Variants in TLK1 observed in about 807,000 individuals in gnomAD.
TLK1 encodes the protein serine/threonine-protein kinase tousled-like 1.
In TLK1, 24 loss-of-function variants were observed where a neutral mutation model predicts 105.3. That is an observed-to-expected ratio of 0.23 (90% CI 0.17 to 0.32). TLK1 has a LOEUF of 0.32. Ranked by LOEUF, TLK1 falls within the 10% of genes least tolerant of loss-of-function variation. TLK1 has a pLI of 1.00. For synonymous variants in TLK1, 321 were observed against 310.4 expected (o/e 1.03, Z -0.36); for missense variants, 558 against 910.5 (o/e 0.61, Z 4.98).
At chr2:171,227,482 T>C (rs985819824) in intron 1 of TLK1, among the ~76,000 whole-genome samples, 4 of 151,960 alleles carry the variant, frequency 2.6e-5, no homozygotes, top group African/African-American at 9.7e-5. Context: ...TTTTGACTTA[T>C]GTGTACCTGA....
intron 12 of TLK1, among the ~76,000 whole-genome samples, chr2:171,021,837 C>T (rs1015804254): frequency 8.5e-5 from 13 of 152,094 alleles, no homozygotes; most frequent in Admixed American, 1.3e-4. Context: ...CGGTGGCTCA[C>T]GCCTGTAATC....
rs112261472 is a variant in TLK1 at position 171,000,127 on chromosome 2, C to T, written c.1905-2304G>A. 4.5e-3 allele frequency among the ~76,000 whole-genome samples: 688 copies of T among 152,146 alleles called. 8 individuals carry two copies. Among genetic ancestry groups the T allele is most frequent in the African/African-American group, 0.015 (628 of 41,494 alleles). On this transcript the variant is annotated intron_variant, in intron 18 of 20. Coordinates refer to ENST00000431350, the MANE Select transcript of TLK1 (RefSeq NM_012290.5). ...GCGTGGTGGCTCATGCCTGTAATCC[C>T]AGCACTTTGGGAGGCCGAGACGGGT...
intron 20 of TLK1, 124 bp from the exon 21 acceptor site, chr2:170,994,080 CA>C (rs1429611806): frequency 1.4e-5 from 15 of 1,105,008 alleles, no homozygotes; most frequent in Non-Finnish European, 1.8e-5. Flanking sequence ...ATTGGAAGTT[CA>C]AACCTTAAAA....
At chr2:171,208,166 C>A (rs1218431769) in intron 1 of TLK1, among the ~76,000 whole-genome samples, 2 of 151,548 alleles carry the variant, frequency 1.3e-5, no homozygotes. Flanking sequence ...TAATGTAATC[C>A]TGGGAAAGTA....
Position 171,191,796 on chromosome 2 carries a change from G to A in TLK1, c.-6+39349C>T, listed in dbSNP as rs576571239. 5.3e-5 allele frequency among the ~76,000 whole-genome samples: 8 copies of A among 152,180 alleles called. 1 individual carries two copies. Among genetic ancestry groups the A allele is most frequent in the African/African-American group, 1.9e-4 (8 of 41,518 alleles). On this transcript the variant is annotated intron_variant, in intron 1 of 20. Coordinates refer to the TLK1 transcript ENST00000521943. ...GCATAAGAAAGGGTTTACCCAGCAA[G>A]GCCAATATACTTTCCTAAATGTGTC...
intron 3 of TLK1, 121 bp downstream of exon 3, chr2:171,082,660 A>G (rs752200714): frequency 3.8e-6 from 3 of 792,144 alleles, no homozygotes; most frequent in Non-Finnish European, 6.4e-6. Context: ...AAACATTCCT[A>G]TAAGAAACTT....
intron 3 of TLK1, among the ~76,000 whole-genome samples, chr2:171,065,044 G>A (rs533636496): frequency 2.4e-4 from 37 of 151,966 alleles, no homozygotes; most frequent in Admixed American, 2.4e-3. Context: ...AAATATAAAG[G>A]AGTCTTTCTT....
intron 1 of TLK1, among the ~76,000 whole-genome samples, chr2:171,213,230 G>T (rs1285258836): frequency 1.3e-5 from 2 of 150,814 alleles, no homozygotes; most frequent in Non-Finnish European, 3.0e-5. Context: ...TTTGAGACAG[G>T]GTCTTTTGCC....
At position 171,143,936 on chromosome 2, in the gene TLK1, G is replaced by A. The variant is rs564243793; in HGVS notation, c.139+16354C>T. On this transcript the variant is annotated intron_variant, in intron 1 of 20. Transcript: ENST00000431350. ...TTAAAAGAATAAGATCCAATTAAACGCTGTCTACTTAAGACATATTTTAGA... is the reference window on the plus strand; with the variant it reads ...TTAAAAGAATAAGATCCAATTAAACACTGTCTACTTAAGACATATTTTAGA... Among the ~76,000 whole-genome samples the A allele has an allele frequency of 7.2e-5, 11 of 152,254 alleles. No homozygotes were observed. The East Asian group carries it at 1.2e-3, about 16-fold the overall frequency.
chr2:171,164,643 T>C (rs1692574257), upstream of TLK1, among the ~76,000 whole-genome samples: 1 of 152,230 alleles, frequency 6.6e-6, no homozygotes, highest in South Asian at 2.1e-4. Flanking sequence ...AAAAGTTCAA[T>C]AAATACGTTT....
chr2:171,149,099 C>CT (rs11335300), intron 1 of TLK1, among the ~76,000 whole-genome samples: 3,663 of 57,882 alleles, frequency 0.063, 101 homozygotes, highest in Non-Finnish European at 0.083. Flanking sequence ...AATTACTTTT[C>CT]TTTTTTTTTT....
chr2:171,129,437 C>G (rs1162242497), intron 1 of TLK1, among the ~76,000 whole-genome samples: 3 of 152,156 alleles, frequency 2.0e-5, no homozygotes, highest in African/African-American at 7.2e-5. Context: ...AGTCCCTTTA[C>G]AGCAGGTAAG....
chr2:171,065,383 C>T (rs1011294068), intron 3 of TLK1, among the ~76,000 whole-genome samples: 1 of 152,042 alleles, frequency 6.6e-6, no homozygotes, highest in African/African-American at 2.4e-5. Flanking sequence ...TTTTGTTAAA[C>T]AAGAAAATAC....
At chr2:171,204,393 C>T (rs1347546674) in intron 1 of TLK1, among the ~76,000 whole-genome samples, 1 of 152,080 alleles carries the variant, frequency 6.6e-6, no homozygotes, top group African/African-American at 2.4e-5. Context: ...TAGCTAATGC[C>T]ATGTCCTATG....
At chr2:171,162,234 A>G (rs1692521866), upstream of TLK1, among the ~76,000 whole-genome samples, 1 of 152,216 alleles carries the variant, frequency 6.6e-6, no homozygotes, top group Non-Finnish European at 1.5e-5. Context: ...AATAAACTGC[A>G]CATATTTAAA....
intron 2 of TLK1, among the ~76,000 whole-genome samples, chr2:171,083,649 CAT>C (rs1217345181): frequency 1.1e-4 from 16 of 152,186 alleles, no homozygotes; most frequent in Admixed American, 1.0e-3. Context: ...TTGATATCCT[CAT>C]GTTTCACCTC....
chr2:171,118,343 G>T (rs969631971), intron 1 of TLK1, among the ~76,000 whole-genome samples: 1 of 152,134 alleles, frequency 6.6e-6, no homozygotes, highest in Admixed American at 6.5e-5. Context: ...AGCATACCCA[G>T]AATTGTAACT....
chr2:171,077,667 C>T (rs1239672591), intron 3 of TLK1, among the ~76,000 whole-genome samples: 3 of 152,064 alleles, frequency 2.0e-5, no homozygotes, highest in Admixed American at 6.6e-5. Context: ...TCTCAGGATC[C>T]CTCTGTAACT....
rs1408259850 is a variant in TLK1, at chr2:171,026,259, T to A, written c.1236+2080A>T. Among the ~76,000 whole-genome samples the A allele has an allele frequency of 2.6e-5, 4 of 152,110 alleles. No individual in the cohort carries two copies. The East Asian group carries it at 7.7e-4, about 29-fold the overall frequency. On this transcript the variant is annotated intron_variant, in intron 12 of 20. Transcript: ENST00000431350. ...AAAATACGAAGGTTAGAAGGTTTAG[T>A]GTTCTACAACATTTTACAAATGTCT...
Sources: gnomAD v4.1 joint callset for allele counts (sites outside exome capture counted in the v4.1 genomes callset) on GRCh38, gnomAD v4.1.1 for gene constraint, MANE v1.5 for transcripts, NCBI Gene and HGNC (gene_info 2026-07-23, HGNC 2026-07-21) for gene names.